DAB1: variants seen among roughly 807,000 people sequenced by gnomAD.
The protein encoded by DAB1 is disabled homolog 1.
A neutral mutation model predicts 64.6 loss-of-function variants in DAB1; 15 were observed. The observed-to-expected ratio is 0.23, with a 90% CI of 0.16 to 0.36. The LOEUF (loss-of-function observed/expected upper bound fraction) is 0.36. Among genes scored for constraint, DAB1 ranks in the 10% least tolerant of loss-of-function variants. The pLI is 1.00. For synonymous variants in DAB1, 235 were observed against 251.9 expected, an observed-to-expected ratio of 0.93 and a Z score of 0.64; for missense variants, 596 against 706.7, an observed-to-expected ratio of 0.84 and a Z score of 1.78.
At chr1:57,729,131 G>A (rs181186839) in intron 6 of DAB1, among the ~76,000 whole-genome samples, 1 of 152,352 alleles carries the variant, frequency 6.6e-6, no homozygotes, top group East Asian at 1.9e-4. Context: ...TAATTCCAAT[G>A]GGGAAAACCA....
intron 5 of DAB1, among the ~76,000 whole-genome samples, chr1:58,092,491 G>A (rs999356043): frequency 5.9e-5 from 9 of 152,118 alleles, no homozygotes; most frequent in African/African-American, 2.2e-4. Context: ...GGCTAAAAAG[G>A]TGAGTTTCTC....
intron 1 of DAB1, among the ~76,000 whole-genome samples, chr1:57,857,934 G>T (rs934237574): frequency 2.4e-5 from 3 of 127,434 alleles, no homozygotes; most frequent in South Asian, 2.5e-4. Context: ...AATTTAAAAA[G>T]AAAGAAAAAA....
intron 5 of DAB1, among the ~76,000 whole-genome samples, chr1:57,898,514 A>C (rs563194353): frequency 2.0e-4 from 31 of 152,304 alleles, no homozygotes; most frequent in Non-Finnish European, 3.5e-4. Flanking sequence ...CATGTACACA[A>C]CAGGCAACTT....
At chr1:58,545,582 T>G (rs546731957) in intron 1 of DAB1, among the ~76,000 whole-genome samples, 2 of 152,274 alleles carry the variant, frequency 1.3e-5, no homozygotes, top group African/African-American at 4.8e-5. Flanking sequence ...CTGGCAGACT[T>G]CTAGGATAAC....
At chr1:57,170,039 C>T (rs1221129166) in intron 2 of DAB1, among the ~76,000 whole-genome samples, 4 of 151,164 alleles carry the variant, frequency 2.6e-5, no homozygotes, top group African/African-American at 9.7e-5. Context: ...CTCTGTCACC[C>T]AGGCTGGAGT....
intron 7 of DAB1, among the ~76,000 whole-genome samples, chr1:57,608,823 G>C (rs1645691798): frequency 6.6e-6 from 1 of 152,120 alleles, no homozygotes; most frequent in South Asian, 2.1e-4. Context: ...ACATTCTAGT[G>C]GCTGGTGGTT....
intron 1 of DAB1, among the ~76,000 whole-genome samples, chr1:57,358,136 T>C (rs569323459): frequency 6.6e-6 from 1 of 152,216 alleles, no homozygotes; most frequent in Admixed American, 6.6e-5. Context: ...TGAATGCCTT[T>C]TCTTTCTTTC....
chr1:57,815,669 T>TA (rs542137983), intron 6 of DAB1, among the ~76,000 whole-genome samples: 3,750 of 130,302 alleles, frequency 0.029, 107 homozygotes, highest in African/African-American at 0.083. Context: ...TATTTTCAAC[T>TA]AAAAAAAAAA....
intron 5 of DAB1, among the ~76,000 whole-genome samples, chr1:58,060,789 T>C (rs1217533589): frequency 1.3e-5 from 2 of 152,248 alleles, no homozygotes; most frequent in Non-Finnish European, 2.9e-5. Flanking sequence ...AAAGGCAACA[T>C]TAGCCCGAGC....
chr1:58,335,305 G>A (rs1002717991), intron 4 of DAB1, among the ~76,000 whole-genome samples: 1 of 152,200 alleles, frequency 6.6e-6, no homozygotes, highest in Non-Finnish European at 1.5e-5. Context: ...GAGGGAAAAA[G>A]AATTAAATGA....
chr1:58,296,037 G>T (rs1243627495), intron 4 of DAB1, among the ~76,000 whole-genome samples: 9 of 145,836 alleles, frequency 6.2e-5, no homozygotes, highest in Non-Finnish European at 1.0e-4. Flanking sequence ...AGGTTGGAGT[G>T]AGCCGAGATC....
intron 6 of DAB1, among the ~76,000 whole-genome samples, chr1:57,752,803 A>C (rs1159882593): frequency 1.3e-5 from 2 of 152,230 alleles, no homozygotes; most frequent in Admixed American, 1.3e-4. Flanking sequence ...TAATTTATAC[A>C]GTTCTTGTAA....
At chr1:58,170,724 C>T (rs528632059) in intron 4 of DAB1, among the ~76,000 whole-genome samples, 1 of 152,228 alleles carries the variant, frequency 6.6e-6, no homozygotes, top group Non-Finnish European at 1.5e-5. Flanking sequence ...AACAATCTGC[C>T]CCCTCGTCCA....
intron 6 of DAB1, among the ~76,000 whole-genome samples, chr1:57,667,427 A>G (rs1312401574): frequency 6.6e-6 from 1 of 152,072 alleles, no homozygotes; most frequent in East Asian, 1.9e-4. Flanking sequence ...AATATCTGAC[A>G]TATTTTTTAG....
intron 3 of DAB1, among the ~76,000 whole-genome samples, chr1:58,474,348 T>C (rs1645397844): frequency 6.6e-6 from 1 of 152,148 alleles, no homozygotes; most frequent in African/African-American, 2.4e-5. Flanking sequence ...TTTCCTAAAC[T>C]ATAGGTTTGT....
At chr1:58,424,997 A>C (rs1644807996) in intron 3 of DAB1, among the ~76,000 whole-genome samples, 1 of 152,202 alleles carries the variant, frequency 6.6e-6, no homozygotes, top group Non-Finnish European at 1.5e-5. Context: ...CTAAGCATTA[A>C]GCATATGGCT....
At chr1:58,478,063 C>A (rs1214735507) in intron 3 of DAB1, among the ~76,000 whole-genome samples, 3 of 152,010 alleles carry the variant, frequency 2.0e-5, no homozygotes, top group Non-Finnish European at 2.9e-5. Context: ...GTGTCCCCAC[C>A]CAAATCTCAT....
intron 7 of DAB1, among the ~76,000 whole-genome samples, chr1:57,530,755 C>A (rs767888693): frequency 6.6e-6 from 1 of 152,178 alleles, no homozygotes; most frequent in East Asian, 1.9e-4. Context: ...ATTAAGAGAG[C>A]CTGGCAGCTT....
intron 4 of DAB1, among the ~76,000 whole-genome samples, chr1:58,321,450 G>A (rs547736845): frequency 8.6e-4 from 131 of 152,330 alleles, no homozygotes; most frequent in African/African-American, 3.0e-3. Context: ...GCCGAAGCAG[G>A]GCGAGGCATC....
Sources: gnomAD v4.1 joint callset for allele counts (sites outside exome capture counted in the v4.1 genomes callset) on GRCh38, gnomAD v4.1.1 for gene constraint, MANE v1.5 for transcripts, NCBI Gene and HGNC (gene_info 2026-07-23, HGNC 2026-07-21) for gene names.